MCC: variants seen among roughly 807,000 people sequenced by gnomAD.
The protein encoded by MCC is MCC regulator of Wnt signaling pathway.
Under a neutral mutation model 116.2 loss-of-function variants are expected in MCC, and 90 were observed. The observed-to-expected ratio is 0.77, with a 90% CI of 0.65 to 0.92. The LOEUF is 0.92. MCC is among the 40% of genes least tolerant of loss of function. MCC has a pLI of 0.00. For synonymous variants in MCC, 578 were observed against 510.5 expected, an observed-to-expected ratio of 1.13 and a Z score of -1.78; for missense variants, 1,516 against 1,312.2, an observed-to-expected ratio of 1.16 and a Z score of -2.40.
rs529227362 is a variant in MCC, at chr5:113,083,103, A to G, written c.1636-95T>C. 4 of 1,225,668 alleles carry G rather than the reference A, an allele frequency of 3.3e-6. No individual in the cohort carries two copies. The East Asian group carries it at 9.6e-5, about 30-fold the overall frequency. 75.9% of individuals were successfully genotyped at this position (1,225,668 alleles called of 1,614,324 possible). On this transcript the variant is annotated intron_variant, in intron 10 of 18. Coordinates refer to ENST00000408903, the MANE Select transcript of MCC (RefSeq NM_001085377.2). ...AATTTAAAGCTGATATTCCGTGAGA[A>G]TCGGGGACTGGGAGGATGGTTACCC... is the stretch of plus-strand genomic sequence containing the variant.
At chr5:113,089,603 T>C (rs988045160) in intron 8 of MCC, among the ~76,000 whole-genome samples, 7 of 152,232 alleles carry the variant, frequency 4.6e-5, no homozygotes, top group African/African-American at 1.7e-4. Context: ...ACGGAAATGT[T>C]CTAGAGTGGC....
At chr5:113,135,107 T>C (rs1232162967) in intron 5 of MCC, among the ~76,000 whole-genome samples, 1 of 151,364 alleles carries the variant, frequency 6.6e-6, no homozygotes, top group Non-Finnish European at 1.5e-5. Flanking sequence ...ACCTGGCTAA[T>C]TTTTGTATTT....
intron 6 of MCC, among the ~76,000 whole-genome samples, chr5:113,118,898 C>T (rs1033540359): frequency 4.6e-5 from 7 of 152,206 alleles, no homozygotes; most frequent in Non-Finnish European, 1.0e-4. Context: ...AGAGCTGCCC[C>T]TGCCCGGTGC....
At chr5:113,470,396 G>A (rs1255732699) in intron 1 of MCC, among the ~76,000 whole-genome samples, 3 of 150,688 alleles carry the variant, frequency 2.0e-5, no homozygotes, top group Non-Finnish European at 3.0e-5. Context: ...AAATCTCTCA[G>A]CATTTGCTTG....
At chr5:113,154,136 T>A (rs1477259018) in intron 3 of MCC, among the ~76,000 whole-genome samples, 1 of 152,242 alleles carries the variant, frequency 6.6e-6, no homozygotes, top group Admixed American at 6.5e-5. Flanking sequence ...GTACTTTTTG[T>A]TTAATGAGCA....
At chr5:113,450,458 C>T (rs940798617) in intron 1 of MCC, among the ~76,000 whole-genome samples, 1 of 152,126 alleles carries the variant, frequency 6.6e-6, no homozygotes, top group East Asian at 1.9e-4. Context: ...GATGTGATGC[C>T]CCCCCAAGCC....
At chr5:113,335,817 C>T (rs948036981) in intron 3 of MCC, among the ~76,000 whole-genome samples, 1 of 151,638 alleles carries the variant, frequency 6.6e-6, no homozygotes, top group African/African-American at 2.4e-5. Flanking sequence ...TCTGTATGGC[C>T]ATGAGAGACA....
At chr5:113,290,741 T>G (rs1196674366) in intron 3 of MCC, among the ~76,000 whole-genome samples, 1 of 152,180 alleles carries the variant, frequency 6.6e-6, no homozygotes, top group Non-Finnish European at 1.5e-5. Context: ...TTCGGGAGAA[T>G]TTAATGCTGC....
At chr5:113,488,109 C>T (rs1772594760) in intron 1 of MCC, 136 bp downstream of exon 1, 3 of 886,808 alleles carry the variant, frequency 3.4e-6, no homozygotes, top group Non-Finnish European at 4.8e-6. Context: ...TACGCGCTCT[C>T]GGAGTCGCGG....
intron 3 of MCC, among the ~76,000 whole-genome samples, chr5:113,234,989 C>T (rs1480083463): frequency 6.6e-6 from 1 of 152,178 alleles, no homozygotes; most frequent in African/African-American, 2.4e-5. Flanking sequence ...AGTCTTCTGG[C>T]AAACTTCCAA....
At chr5:113,323,246 T>C (rs1197852411) in intron 3 of MCC, 2 of 152,364 alleles carry the variant, frequency 1.3e-5, no homozygotes, top group African/African-American at 4.8e-5. Flanking sequence ...GCCAAGCCAC[T>C]CCTGGATTCC....
At chr5:113,064,358 G>A (rs1203483979) in intron 13 of MCC, among the ~76,000 whole-genome samples, 191 bp from the exon 14 acceptor site, 2 of 152,254 alleles carry the variant, frequency 1.3e-5, no homozygotes, top group African/African-American at 4.8e-5. Flanking sequence ...CATGTGGGAA[G>A]GTATTTCTCT....
intron 3 of MCC, among the ~76,000 whole-genome samples, chr5:113,155,019 C>T (rs1416718129): frequency 6.6e-6 from 1 of 152,176 alleles, no homozygotes; most frequent in Non-Finnish European, 1.5e-5. Context: ...CAACCTCTCT[C>T]TTCATCCCTC....
chr5:113,227,952 C>T (rs954752167), intron 3 of MCC, among the ~76,000 whole-genome samples: 1 of 152,198 alleles, frequency 6.6e-6, no homozygotes, highest in Non-Finnish European at 1.5e-5. Flanking sequence ...TTCTAGTTAA[C>T]GGCTGGTCTA....
At chr5:113,416,657 G>C (rs550017210) in intron 1 of MCC, among the ~76,000 whole-genome samples, 3 of 152,252 alleles carry the variant, frequency 2.0e-5, no homozygotes, top group African/African-American at 7.2e-5. Context: ...GGTAATGGTA[G>C]ATGCCCTTGG....
intron 8 of MCC, among the ~76,000 whole-genome samples, chr5:113,095,101 T>C (rs1348684106): frequency 6.6e-6 from 1 of 152,240 alleles, no homozygotes; most frequent in East Asian, 1.9e-4. Flanking sequence ...TGCCTTCATG[T>C]AGCATTAGAA....
chr5:113,220,102 G>A (rs1313250668), intron 3 of MCC, among the ~76,000 whole-genome samples: 1 of 56,506 alleles, frequency 1.8e-5, no homozygotes, highest in African/African-American at 2.9e-5. Flanking sequence ...CTGTCACCCC[G>A]GCTGGAGTGC....
In MCC at chr5:113,202,798, A is replaced by AC. The variant is rs1218691512; in HGVS notation, c.628-51377_628-51376insG. Among the ~76,000 whole-genome samples the AC allele has an allele frequency of 5.7e-4, 86 of 151,154 alleles. 1 individual carries two copies. The highest frequency in any genetic ancestry group is 9.2e-4 in the Non-Finnish European group (62 of 67,744). On this transcript the variant is annotated intron_variant, in intron 3 of 18. Coordinates refer to ENST00000408903, the MANE Select transcript of MCC (RefSeq NM_001085377.2). ...GTTTGCCCTTTATTTAAAAAAAAAA[A>AC]AAAAAACTTTTTCTAGGGGTATAGA...
At chr5:113,171,997 C>A (rs1761096681) in intron 3 of MCC, among the ~76,000 whole-genome samples, 1 of 152,170 alleles carries the variant, frequency 6.6e-6, no homozygotes, top group African/African-American at 2.4e-5. Flanking sequence ...CAAATGTTGA[C>A]TGACTTCAGG....
Sources: gnomAD v4.1 joint callset for allele counts (sites outside exome capture counted in the v4.1 genomes callset) on GRCh38, gnomAD v4.1.1 for gene constraint, MANE v1.5 for transcripts, NCBI Gene and HGNC (gene_info 2026-07-23, HGNC 2026-07-21) for gene names.